The following TRABD2B variants were observed in gnomAD, a reference collection of about 807,000 sequenced individuals.
TRABD2B encodes the protein TraB domain containing 2B.
TRABD2B carries 14 observed loss-of-function variants against 40.1 expected under a neutral mutation model. That is an observed-to-expected ratio of 0.35 (90% CI 0.23 to 0.55). TRABD2B has a LOEUF of 0.55. Ranked by LOEUF, TRABD2B falls within the 20% of genes least tolerant of loss-of-function variation. The pLI, the probability that TRABD2B is intolerant of heterozygous loss-of-function variation, is 0.90. For missense variants in TRABD2B, 541 were observed against 648.6 expected (o/e 0.83, Z 1.80); for synonymous variants, 263 against 277.0 (o/e 0.95, Z 0.50).
chr1:47,883,539 T>G (rs558867763), intron 2 of TRABD2B, among the ~76,000 whole-genome samples: 1 of 152,202 alleles, frequency 6.6e-6, no homozygotes, highest in African/African-American at 2.4e-5. Flanking sequence ...TGAATATGGA[T>G]GTGTCTTGGG....
intron 2 of TRABD2B, among the ~76,000 whole-genome samples, chr1:47,899,780 C>A (rs1352989399): frequency 6.6e-6 from 1 of 152,076 alleles, no homozygotes; most frequent in African/African-American, 2.4e-5. Flanking sequence ...GTGGACAGGG[C>A]GATGCAGCCC....
rs528413214 is a variant in TRABD2B, at chr1:47,837,644, C to T, written c.667-36025G>A. 6.6e-5 allele frequency among the ~76,000 whole-genome samples: 10 copies of T among 152,260 alleles called. 1 individual carries two copies. The highest frequency in any genetic ancestry group is 1.9e-4 in the East Asian group (1 of 5,168). On this transcript the variant is annotated intron_variant, in intron 2 of 6. Coordinates refer to ENST00000606738, the MANE Select transcript of TRABD2B (RefSeq NM_001194986.2). ...CTGCAGGGCGGAGAGAGAGACGAACCGGGCTTCTGAAGAATGCACATTCCA... is the reference window on the plus strand; with the variant it reads ...CTGCAGGGCGGAGAGAGAGACGAACTGGGCTTCTGAAGAATGCACATTCCA...
At chr1:47,775,673 C>A (rs1220200534) in intron 5 of TRABD2B, among the ~76,000 whole-genome samples, 1 of 152,220 alleles carries the variant, frequency 6.6e-6, no homozygotes, top group African/African-American at 2.4e-5. Context: ...CCAACCCTGT[C>A]CCAGGCACTT....
At chr1:47,850,637 C>T (rs970928973) in intron 2 of TRABD2B, among the ~76,000 whole-genome samples, 2 of 152,204 alleles carry the variant, frequency 1.3e-5, no homozygotes, top group Admixed American at 1.3e-4. Context: ...CAGTGCCTGA[C>T]TTGGGATTTG....
chr1:47,932,171 G>A (rs190112772), intron 2 of TRABD2B, among the ~76,000 whole-genome samples: 1 of 152,300 alleles, frequency 6.6e-6, no homozygotes, highest in East Asian at 1.9e-4. Context: ...CTTTAGGGTA[G>A]AGACTGCTCC....
At chr1:47,917,459 G>A (rs547895574) in intron 2 of TRABD2B, among the ~76,000 whole-genome samples, 2 of 152,158 alleles carry the variant, frequency 1.3e-5, no homozygotes, top group African/African-American at 4.8e-5. Context: ...AGTGGCTCAC[G>A]CCTGTAATCC....
intron 6 of TRABD2B, among the ~76,000 whole-genome samples, chr1:47,768,330 TG>T (rs60319904): frequency 0.64 from 97,186 of 151,532 alleles, 31,631 homozygotes; most frequent in East Asian, 0.98. Flanking sequence ...TGTGTGGAAG[TG>T]GGGGGGGAGG....
chr1:47,961,062 T>A (rs543205443), intron 2 of TRABD2B, among the ~76,000 whole-genome samples: 33 of 152,190 alleles, frequency 2.2e-4, no homozygotes, highest in Admixed American at 2.0e-3. Flanking sequence ...ATGCCGCATA[T>A]CTACAACCAT....
At chr1:47,801,779 C>T (rs1323000103) in intron 2 of TRABD2B, among the ~76,000 whole-genome samples, 160 bp from the exon 3 acceptor site, 1 of 152,162 alleles carries the variant, frequency 6.6e-6, no homozygotes, top group Non-Finnish European at 1.5e-5. Flanking sequence ...TTTCCAGTTT[C>T]TGCTCCTGCC....
At chr1:47,912,356 A>G (rs1644774063) in intron 2 of TRABD2B, among the ~76,000 whole-genome samples, 1 of 152,262 alleles carries the variant, frequency 6.6e-6, no homozygotes, top group Non-Finnish European at 1.5e-5. Flanking sequence ...CTTCCAAAGC[A>G]AAGCAATGTG....
intron 6 of TRABD2B, among the ~76,000 whole-genome samples, chr1:47,771,146 C>T (rs1394459547): frequency 2.0e-5 from 3 of 152,290 alleles, no homozygotes; most frequent in South Asian, 2.1e-4. Context: ...CTGCCCATCT[C>T]GAACCATCCC....
chr1:47,992,618 C>T (rs763421971), intron 2 of TRABD2B, among the ~76,000 whole-genome samples: 6 of 152,136 alleles, frequency 3.9e-5, no homozygotes, highest in African/African-American at 7.2e-5. Flanking sequence ...ATGAGATGGG[C>T]GGTGAGCGCC....
At chr1:47,959,304 T>C (rs921610745) in intron 2 of TRABD2B, among the ~76,000 whole-genome samples, 1 of 151,996 alleles carries the variant, frequency 6.6e-6, no homozygotes, top group African/African-American at 2.4e-5. Flanking sequence ...TTAAAAGAAC[T>C]AGAGAAGCAA....
At chr1:47,794,790 GTTTTT>G (rs555844964) in intron 3 of TRABD2B, 30 bp from the exon 4 acceptor site, 504 of 1,144,054 alleles carry the variant, frequency 4.4e-4, no homozygotes, top group East Asian at 1.2e-3. Flanking sequence ...GCTGCCTTCA[GTTTTT>G]TTTTTTTTTT....
intron 2 of TRABD2B, among the ~76,000 whole-genome samples, chr1:47,847,533 G>A (rs1276810519): frequency 6.6e-6 from 1 of 152,206 alleles, no homozygotes; most frequent in Non-Finnish European, 1.5e-5. Context: ...TGGGGAAACT[G>A]AGGCCCAGAG....
At chr1:47,872,283 A>G (rs1266051755) in intron 2 of TRABD2B, among the ~76,000 whole-genome samples, 3 of 152,190 alleles carry the variant, frequency 2.0e-5, no homozygotes, top group African/African-American at 4.8e-5. Context: ...GTCATGGCTC[A>G]GGCTTGCAAG....
intron 2 of TRABD2B, among the ~76,000 whole-genome samples, chr1:47,954,276 T>C (rs1434296797): frequency 2.0e-5 from 3 of 152,254 alleles, no homozygotes; most frequent in East Asian, 3.9e-4. Flanking sequence ...TCAAAGGCCA[T>C]GGCTGAACAC....
rs377105670 is a variant in TRABD2B at position 47,833,975 on chromosome 1, G to A, written c.667-32356C>T. On this transcript the variant is annotated intron_variant, in intron 2 of 6. Transcript: ENST00000606738. The stretch of plus-strand genomic sequence containing the variant: ...AGTAAGCTTTGTGGCATTTTAACTT[G>A]CCCTATTACCCATACGCCTTCTGCA... Among the ~76,000 whole-genome samples the A allele has an allele frequency of 4.6e-5, 7 of 152,176 alleles. 1 individual carries two copies. The highest frequency in any genetic ancestry group is 4.6e-4 in the Admixed American group (7 of 15,280).
At chr1:47,835,873 G>A (rs937940974) in intron 2 of TRABD2B, among the ~76,000 whole-genome samples, 3 of 152,132 alleles carry the variant, frequency 2.0e-5, no homozygotes, top group African/African-American at 7.2e-5. Flanking sequence ...ATAAAAGACA[G>A]TACAAATGAA....
Sources: allele counts gnomAD v4.1 joint callset (sites outside exome capture counted in the v4.1 genomes callset), GRCh38; gene constraint gnomAD v4.1.1; transcripts MANE v1.5; gene names NCBI Gene and HGNC (gene_info 2026-07-23, HGNC 2026-07-21).